OLR1: variants seen among roughly 807,000 people sequenced by gnomAD.
The protein encoded by OLR1 is oxidized low density lipoprotein receptor 1.
In OLR1, 23 loss-of-function variants were observed where a neutral mutation model predicts 31.7. The observed-to-expected ratio is 0.72, with a 90% CI of 0.52 to 1.03. The LOEUF (loss-of-function observed/expected upper bound fraction) is 1.03. OLR1 is among the 50% of genes least tolerant of loss of function. The pLI is 0.00. For missense variants in OLR1, 286 were observed against 315.7 expected, an observed-to-expected ratio of 0.91 and a Z score of 0.71; for synonymous variants, 117 against 115.8, an observed-to-expected ratio of 1.01 and a Z score of -0.07.
Position 10,169,096 on chromosome 12 carries a change from G to A in OLR1, c.156C>T (p.Thr52=). 6.2e-7 allele frequency: 1 copy of A among 1,612,910 alleles called. No individual in the cohort carries two copies. Among genetic ancestry groups the A allele is most frequent in the Non-Finnish European group, 8.5e-7 (1 of 1,179,540 alleles). ...TACATTGCATGCCCAGCACCATAATGGTCACTACTAATCCCAGGCAAAGGA... is the reference window on the plus strand; with the variant it reads ...TACATTGCATGCCCAGCACCATAATAGTCACTACTAATCCCAGGCAAAGGA... ...LGVLCLGLVV[T]IMVLGMQLSQ... The change falls in exon 2 of 6, where the codon ACC becomes ACT. Residue 52 remains threonine (T), a synonymous_variant. Transcript: ENST00000309539.
intron 5 of OLR1, 58 bp downstream of exon 5, chr12:10,160,289 G>A: frequency 7.3e-7 from 1 of 1,362,058 alleles, no homozygotes; most frequent in East Asian, 2.4e-5. Flanking sequence ...CTCACTAGCA[G>A]GTTCAGCAAA....
At chr12:10,160,048 C>T in intron 5 of OLR1, 27 bp from the exon 6 acceptor site, 1 of 1,576,638 alleles carries the variant, frequency 6.3e-7, no homozygotes, top group Non-Finnish European at 8.6e-7. Flanking sequence ...ACAAAACAAA[C>T]CAACAAAAAA....
At chr12:10,170,493 T>TTC (rs892804298) in intron 1 of OLR1, 2 of 146,872 alleles carry the variant, frequency 1.4e-5, no homozygotes, top group African/African-American at 5.0e-5. Flanking sequence ...ATCGTGCTCT[T>TTC]TTTTTTTTTT....
chr12:10,174,750 C>T (rs577934074), upstream of OLR1, among the ~76,000 whole-genome samples: 2 of 152,302 alleles, frequency 1.3e-5, no homozygotes, highest in East Asian at 3.9e-4. Context: ...ATTCCTTTCT[C>T]CTTTCTTGGA....
upstream of OLR1, chr12:10,172,291 G>A: frequency 2.1e-6 from 1 of 487,274 alleles, no homozygotes; most frequent in East Asian, 3.2e-5. Flanking sequence ...GGAGAAAGTG[G>A]TGATTCTGAA....
chr12:10,162,502 C>A (rs1948628502), intron 3 of OLR1, among the ~76,000 whole-genome samples: 1 of 152,158 alleles, frequency 6.6e-6, no homozygotes, highest in Non-Finnish European at 1.5e-5. Flanking sequence ...CTTAGTTTGC[C>A]TAACCCCATC....
intron 2 of OLR1, 36 bp downstream of exon 2, chr12:10,169,038 C>A: frequency 2.8e-6 from 4 of 1,432,590 alleles, no homozygotes; most frequent in Middle Eastern, 1.8e-4. Context: ...AACACCCCTG[C>A]CCCAATAAAC....
intron 1 of OLR1, among the ~76,000 whole-genome samples, chr12:10,169,626 A>G (rs749294216): frequency 1.3e-5 from 2 of 152,226 alleles, no homozygotes; most frequent in South Asian, 4.1e-4. Flanking sequence ...TAACATAAAT[A>G]TCAGACATCA....
In OLR1 at chr12:10,168,469, G is replaced by C. The variant is rs114888639; in HGVS notation, c.178+605C>G. Among the ~76,000 whole-genome samples, 440 of 152,112 alleles carry C rather than the reference G, an allele frequency of 2.9e-3. 4 individuals carry two copies. Among genetic ancestry groups the C allele is most frequent in the African/African-American group, 9.0e-3 (375 of 41,486 alleles). On this transcript the variant is annotated intron_variant, in intron 2 of 5. Coordinates refer to ENST00000309539, the MANE Select transcript of OLR1 (RefSeq NM_002543.4). Reference sequence around the variant, plus strand: ...TCTCCATCATTCTAGAATTTAAATAGGCTCTATCCATGAGGTTGGTTTTTT... The same window carrying C: ...TCTCCATCATTCTAGAATTTAAATACGCTCTATCCATGAGGTTGGTTTTTT...
At chr12:10,164,942 C>T (rs982977193) in intron 3 of OLR1, among the ~76,000 whole-genome samples, 5 of 152,146 alleles carry the variant, frequency 3.3e-5, no homozygotes, top group Non-Finnish European at 5.9e-5. Flanking sequence ...GTAAGGCTTG[C>T]AAGCCAGTCT....
chr12:10,163,534 G>A (rs1399116931), intron 3 of OLR1, among the ~76,000 whole-genome samples: 1 of 149,758 alleles, frequency 6.7e-6, no homozygotes, highest in East Asian at 2.0e-4. Flanking sequence ...GAAGACCACA[G>A]ACTTTTTAGT....
At chr12:10,172,251 G>A (rs1460831022), upstream of OLR1, 2 of 555,754 alleles carry the variant, frequency 3.6e-6, no homozygotes, top group Admixed American at 3.1e-5. Context: ...GTTCGCTGAC[G>A]CAAATTCTTG....
At chr12:10,172,262 A>G, upstream of OLR1, 1 of 546,660 alleles carries the variant, frequency 1.8e-6, no homozygotes, top group Non-Finnish European at 3.3e-6. Flanking sequence ...CAAATTCTTG[A>G]GTTATGTGTA....
chr12:10,164,213 C>T lies in OLR1; in HGVS notation c.424+2499G>A, dbSNP rs539329088. Among the ~76,000 whole-genome samples the T allele has an allele frequency of 5.3e-5, 8 of 152,266 alleles. No homozygotes were observed. The South Asian group carries it at 1.4e-3, about 28-fold the overall frequency. On this transcript the variant is annotated intron_variant, in intron 3 of 5. Coordinates refer to ENST00000309539, the MANE Select transcript of OLR1 (RefSeq NM_002543.4). ...CCATTGGTTAGTACGTGGTTATGTC[C>T]GCTTTTATAAACATTCCTATCCTTA... is the stretch of plus-strand genomic sequence containing the variant.
Position 10,159,871 on chromosome 12 carries a change from C to A in OLR1, c.*9G>T, listed in dbSNP as rs747491547. ...AAGACTTTTTTCTTTTCTTCCAGAG[C>A]CTTCAAATTCACTGTGCTCTTAGGT... On this transcript the variant is annotated 3_prime_UTR_variant, in exon 6 of 6. Transcript: ENST00000309539. The A allele has an allele frequency of 1.9e-6, 3 of 1,595,296 alleles. No individual in the cohort carries two copies. The highest frequency in any genetic ancestry group is 1.7e-6 in the Non-Finnish European group (2 of 1,169,388).
intron 3 of OLR1, among the ~76,000 whole-genome samples, chr12:10,161,604 C>T (rs35171942): frequency 5.9e-5 from 9 of 152,152 alleles, no homozygotes; most frequent in Non-Finnish European, 8.8e-5. Context: ...AACAGGGTCT[C>T]GCTATGTTGT....
chr12:10,172,146 C>G, upstream of OLR1: 1 of 1,058,362 alleles, frequency 9.4e-7, no homozygotes, highest in Non-Finnish European at 1.5e-6. Flanking sequence ...AATATGTGAG[C>G]TTCTGCAGAA....
chr12:10,169,939 A>G (rs1181106339), intron 1 of OLR1, among the ~76,000 whole-genome samples: 14 of 150,492 alleles, frequency 9.3e-5, no homozygotes, highest in Admixed American at 9.3e-4. Flanking sequence ...AAAAAAAATC[A>G]CAGATATTAC....
At position 10,158,411 on chromosome 12, in the gene OLR1, G is replaced by A. The variant is rs1379099006; in HGVS notation, c.*1469C>T. On this transcript the variant is annotated 3_prime_UTR_variant, in exon 6 of 6. Transcript: ENST00000309539. The stretch of plus-strand genomic sequence containing the variant: ...TGAATTGTGGTATATCCATACAAGG[G>A]AATATTCAACATTTAAAAGAATGAA... 6.6e-6 allele frequency: 1 copy of A among 151,778 alleles called. No individual in the cohort carries two copies. Among genetic ancestry groups the A allele is most frequent in the Non-Finnish European group, 1.5e-5 (1 of 67,976 alleles). The allele number at this position is 151,778 out of a possible 1,614,324, so 9.4% of individuals were successfully genotyped here. A position where few individuals can be genotyped will look rare whatever the true frequency, so the allele number is the denominator to read the frequency against.
Sources: allele counts gnomAD v4.1 joint callset (sites outside exome capture counted in the v4.1 genomes callset), GRCh38; gene constraint gnomAD v4.1.1; transcripts MANE v1.5; gene names NCBI Gene and HGNC (gene_info 2026-07-23, HGNC 2026-07-21).